The following RBKS variants were observed in gnomAD, a reference collection of about 807,000 sequenced individuals.
The protein encoded by RBKS is ribokinase.
RBKS carries 33 observed loss-of-function variants against 33.9 expected under a neutral mutation model. The observed-to-expected ratio is 0.97, with a 90% CI of 0.74 to 1.30. RBKS has a LOEUF of 1.30. Ranked by LOEUF, RBKS falls within the 50% of genes most tolerant of loss-of-function variation. The probability of loss-of-function intolerance (pLI) is 0.00; values close to 1 mark genes in which losing one functional copy is unlikely to be tolerated. For synonymous variants in RBKS, 125 were observed against 143.0 expected (o/e 0.87, Z 0.90); for missense variants, 361 against 392.6 (o/e 0.92, Z 0.68).
intron 7 of RBKS, among the ~76,000 whole-genome samples, chr2:27,799,422 G>A (rs954181304): frequency 6.6e-6 from 1 of 152,096 alleles, no homozygotes; most frequent in Admixed American, 6.6e-5. Flanking sequence ...ATTCCTCCCC[G>A]ATGTCTTCAT....
At chr2:27,811,440 T>C (rs1433719052) in intron 7 of RBKS, among the ~76,000 whole-genome samples, 1 of 152,214 alleles carries the variant, frequency 6.6e-6, no homozygotes, top group Non-Finnish European at 1.5e-5. Flanking sequence ...TTCTTTCCAA[T>C]AGAATATTTC....
intron 7 of RBKS, among the ~76,000 whole-genome samples, chr2:27,808,142 A>G (rs572188095): frequency 3.3e-5 from 5 of 152,352 alleles, no homozygotes; most frequent in African/African-American, 1.2e-4. Context: ...AGGATCAATA[A>G]GCGGTTGAGT....
intron 7 of RBKS, among the ~76,000 whole-genome samples, chr2:27,804,463 A>G (rs1677859056): frequency 6.6e-6 from 1 of 152,198 alleles, no homozygotes; most frequent in Non-Finnish European, 1.5e-5. Flanking sequence ...GAGCAAAATC[A>G]TTTCATATTC....
intron 7 of RBKS, among the ~76,000 whole-genome samples, chr2:27,811,679 C>A (rs1283654636): frequency 6.6e-6 from 1 of 152,100 alleles, no homozygotes; most frequent in Admixed American, 6.6e-5. Context: ...AAAACAGAAG[C>A]CTTATTACTA....
chr2:27,850,895 C>T (rs1392114681), intron 2 of RBKS, among the ~76,000 whole-genome samples: 1 of 152,180 alleles, frequency 6.6e-6, no homozygotes, highest in African/African-American at 2.4e-5. Context: ...TTCAGAGGTT[C>T]TGGTAACACT....
chr2:27,812,503 T>C (rs540426568), intron 7 of RBKS, among the ~76,000 whole-genome samples: 6 of 152,338 alleles, frequency 3.9e-5, no homozygotes, highest in African/African-American at 1.4e-4. Context: ...ATGTGGCACA[T>C]ATATACCATG....
chr2:27,866,114 T>G (rs1181035938), intron 1 of RBKS, among the ~76,000 whole-genome samples: 1 of 152,204 alleles, frequency 6.6e-6, no homozygotes, highest in Non-Finnish European at 1.5e-5. Context: ...GTGAGTTTTC[T>G]GGTGATAAAT....
chr2:27,815,147 T>C lies in RBKS; in HGVS notation c.795+12420A>G, dbSNP rs1020157857. 3.9e-5 allele frequency among the ~76,000 whole-genome samples: 6 copies of C among 152,220 alleles called. No individual in the cohort carries two copies. In the East Asian group the frequency reaches 5.8e-4, roughly 15 times the overall value. On this transcript the variant is annotated intron_variant, in intron 7 of 7. Transcript: ENST00000302188. Reference sequence around the variant, plus strand: ...CCAACTCCATCAGCAGCAATGGGCATTGAGGGCAGTGGGCATGGCTCCCAC... The same window carrying C: ...CCAACTCCATCAGCAGCAATGGGCACTGAGGGCAGTGGGCATGGCTCCCAC...
At chr2:27,811,571 G>A (rs1341240075) in intron 7 of RBKS, among the ~76,000 whole-genome samples, 2 of 152,188 alleles carry the variant, frequency 1.3e-5, no homozygotes, top group Non-Finnish European at 2.9e-5. Flanking sequence ...TGTGATCACT[G>A]CCTGTGAAGA....
intron 7 of RBKS, among the ~76,000 whole-genome samples, chr2:27,800,994 A>G (rs2148188602): frequency 6.6e-6 from 1 of 152,328 alleles, no homozygotes; most frequent in South Asian, 2.1e-4. Context: ...GCTGCAGGAC[A>G]GGATGGGAAC....
chr2:27,836,567 C>T (rs56091605), intron 5 of RBKS, among the ~76,000 whole-genome samples: 9,201 of 152,154 alleles, frequency 0.06, 599 homozygotes, highest in African/African-American at 0.16. Flanking sequence ...TAGAAAATAC[C>T]CTTTTTGACA....
At chr2:27,846,385 C>T (rs757516992) in intron 4 of RBKS, among the ~76,000 whole-genome samples, 1 of 152,180 alleles carries the variant, frequency 6.6e-6, no homozygotes, top group Non-Finnish European at 1.5e-5. Flanking sequence ...CTCACTGCAG[C>T]CTTGAATTCC....
At chr2:27,831,826 G>T (rs1349927492) in intron 6 of RBKS, among the ~76,000 whole-genome samples, 1 of 152,080 alleles carries the variant, frequency 6.6e-6, no homozygotes, top group Non-Finnish European at 1.5e-5. Flanking sequence ...GAGGTGGGAG[G>T]ATTGCTTAAA....
chr2:27,834,913 T>G (rs1238872268), intron 5 of RBKS, among the ~76,000 whole-genome samples: 1 of 152,196 alleles, frequency 6.6e-6, no homozygotes, highest in Non-Finnish European at 1.5e-5. Context: ...TATACAATGT[T>G]GTTTGTACAG....
intron 5 of RBKS, among the ~76,000 whole-genome samples, chr2:27,839,766 T>A (rs1384853108): frequency 6.6e-6 from 1 of 152,110 alleles, no homozygotes; most frequent in Non-Finnish European, 1.5e-5. Context: ...GGCAGCTTCC[T>A]GGGGCAGTGG....
chr2:27,830,319 G>C (rs1033808927), intron 6 of RBKS, among the ~76,000 whole-genome samples: 2 of 151,742 alleles, frequency 1.3e-5, no homozygotes, highest in African/African-American at 4.8e-5. Flanking sequence ...GAGTGCAGCC[G>C]CCTGATCTTG....
chr2:27,864,059 C>T (rs1271527537), intron 1 of RBKS, among the ~76,000 whole-genome samples: 1 of 152,014 alleles, frequency 6.6e-6, no homozygotes, highest in Non-Finnish European at 1.5e-5. Context: ...CAGGGTCTTG[C>T]TCTGTTGCCC....
chr2:27,866,772 T>C (rs1246304310), intron 1 of RBKS, among the ~76,000 whole-genome samples: 1 of 152,226 alleles, frequency 6.6e-6, no homozygotes, highest in African/African-American at 2.4e-5. Flanking sequence ...TTCATCTTTT[T>C]CTTTAAATCA....
Position 27,781,607 on chromosome 2 carries a change from A to G in RBKS, c.*8T>C. The G allele has an allele frequency of 6.2e-7, 1 of 1,602,396 alleles. No homozygotes were observed. The highest frequency in any genetic ancestry group is 8.5e-7 in the Non-Finnish European group (1 of 1,174,082). On this transcript the variant is annotated 3_prime_UTR_variant, in exon 8 of 8. Coordinates refer to ENST00000302188, the MANE Select transcript of RBKS (RefSeq NM_022128.3). ...TCCCAGGTATATTTATTTTGGGACT[A>G]ATAGCAATCAAAACAGAGTAAGCGG...
Sources: allele counts gnomAD v4.1 joint callset (sites outside exome capture counted in the v4.1 genomes callset), GRCh38; gene constraint gnomAD v4.1.1; transcripts MANE v1.5; gene names NCBI Gene and HGNC (gene_info 2026-07-23, HGNC 2026-07-21).